TRPM3: variants seen among roughly 807,000 people sequenced by gnomAD.
The protein encoded by TRPM3 is long transient receptor potential channel 3.
In TRPM3, 77 loss-of-function variants were observed where a neutral mutation model predicts 181.2. That is an observed-to-expected ratio of 0.42 (90% CI 0.35 to 0.51). The LOEUF is 0.51. Among genes scored for constraint, TRPM3 ranks in the 20% least tolerant of loss-of-function variants. The pLI is 0.01. For missense variants in TRPM3, 1,759 were observed against 2,196.7 expected (o/e 0.80, Z 3.98); for synonymous variants, 745 against 796.4 (o/e 0.94, Z 1.09).
intron 1 of TRPM3, among the ~76,000 whole-genome samples, chr9:70,922,052 T>C (rs2096663073): frequency 6.6e-6 from 1 of 152,088 alleles, no homozygotes. Flanking sequence ...AATGTAGAAC[T>C]TTGAGAGTAA....
At chr9:71,048,477 T>C (rs2059710013) in intron 1 of TRPM3, among the ~76,000 whole-genome samples, 1 of 152,206 alleles carries the variant, frequency 6.6e-6, no homozygotes, top group African/African-American at 2.4e-5. Context: ...AATAGTCCAA[T>C]CCGTCTTCCC....
chr9:71,402,486 T>C lies in TRPM3; in HGVS notation c.183+44167A>G, dbSNP rs2093359895. Among the ~76,000 whole-genome samples, 3 of 152,204 alleles carry C rather than the reference T, an allele frequency of 2.0e-5. 1 individual carries two copies. In the South Asian group the frequency reaches 6.2e-4, roughly 31 times the overall value. On this transcript the variant is annotated intron_variant, in intron 1 of 24. Coordinates refer to the TRPM3 transcript ENST00000357533. The stretch of plus-strand genomic sequence containing the variant: ...TTGTCATGCATATATCAAAGGTCTG[T>C]AGCATTTCTCCTGTGTATTTTGATA...
At chr9:71,182,910 C>T (rs1464522450) in intron 1 of TRPM3, among the ~76,000 whole-genome samples, 1 of 152,098 alleles carries the variant, frequency 6.6e-6, no homozygotes, top group African/African-American at 2.4e-5. Context: ...TATCCACCTG[C>T]CTCGGCCTCC....
intron 9 of TRPM3, among the ~76,000 whole-genome samples, chr9:70,669,484 T>C (rs2062497172): frequency 6.6e-6 from 1 of 152,130 alleles, no homozygotes; most frequent in Non-Finnish European, 1.5e-5. Context: ...CCAGGCCCCA[T>C]TCTCTCACTT....
At chr9:70,942,916 C>T (rs2096899398) in intron 1 of TRPM3, among the ~76,000 whole-genome samples, 1 of 151,948 alleles carries the variant, frequency 6.6e-6, no homozygotes, top group Non-Finnish European at 1.5e-5. Context: ...TTTCAAAAAC[C>T]ACTGGCTTTG....
Position 70,535,331 on chromosome 9 carries a change from C to T in TRPM3, c.*622G>A. On this transcript the variant is annotated 3_prime_UTR_variant, in exon 26 of 26. Coordinates refer to ENST00000677713, the MANE Select transcript of TRPM3 (RefSeq NM_001366145.2). ...AGTGAATAGATAAGAGACAGGTGAA[C>T]TATGACTGTTACCTTGTTTTTTCTT... 1 of 1,355,672 alleles carries T rather than the reference C, an allele frequency of 7.4e-7. No homozygotes were observed. The allele number at this position is 1,355,672 out of a possible 1,614,324, so 84.0% of individuals were successfully genotyped here. A position where few individuals can be genotyped will look rare whatever the true frequency, so the allele number is the denominator to read the frequency against.
intron 1 of TRPM3, among the ~76,000 whole-genome samples, chr9:71,086,542 T>C (rs1223106496): frequency 6.6e-6 from 1 of 151,818 alleles, no homozygotes; most frequent in African/African-American, 2.4e-5. Context: ...CCAAAAGAGG[T>C]CAAAGTATCA....
chr9:70,810,205 C>G, intron 6 of TRPM3: 1 of 413,748 alleles, frequency 2.4e-6, no homozygotes, highest in South Asian at 1.8e-5. Context: ...CCCTCCTCTC[C>G]ATCACCCTGT....
intron 9 of TRPM3, among the ~76,000 whole-genome samples, chr9:70,676,269 C>T (rs1590170306): frequency 6.6e-6 from 1 of 151,904 alleles, no homozygotes; most frequent in Non-Finnish European, 1.5e-5. Flanking sequence ...TATTACTCTT[C>T]AGTGCACATG....
In TRPM3 at chr9:71,368,009, T is replaced by TGTATGTGTACACACACACATATGA. The variant is rs1442593805; in HGVS notation, c.183+78620_183+78643dup. ...ATATATGTGCACACACACATGTGAG[T>TGTATGTGTACACACACACATATGA]GTATGTGTACACACACACATATGAG... On this transcript the variant is annotated intron_variant, in intron 1 of 24. Transcript: ENST00000357533. 5.9e-5 allele frequency among the ~76,000 whole-genome samples: 9 copies of TGTATGTGTACACACACACATATGA among 151,608 alleles called. No homozygotes were observed. The South Asian group carries it at 1.5e-3, about 25-fold the overall frequency.
intron 1 of TRPM3, among the ~76,000 whole-genome samples, chr9:71,189,957 C>CT (rs2077911448): frequency 6.6e-6 from 1 of 151,900 alleles, no homozygotes; most frequent in African/African-American, 2.4e-5. Context: ...AATTTATCTG[C>CT]AGCCTATAGC....
intron 1 of TRPM3, among the ~76,000 whole-genome samples, chr9:70,908,210 G>A (rs1168957969): frequency 1.3e-5 from 2 of 152,206 alleles, no homozygotes; most frequent in African/African-American, 2.4e-5. Flanking sequence ...CCAGGAACCT[G>A]TGTATTTCCC....
At chr9:70,807,893 G>A (rs1289675007) in intron 6 of TRPM3, among the ~76,000 whole-genome samples, 3 of 152,110 alleles carry the variant, frequency 2.0e-5, no homozygotes, top group Non-Finnish European at 4.4e-5. Flanking sequence ...GAGAGGAGAA[G>A]ATTTTTAATC....
intron 1 of TRPM3, among the ~76,000 whole-genome samples, chr9:71,373,509 C>T (rs2092584843): frequency 6.6e-6 from 1 of 152,050 alleles, no homozygotes; most frequent in African/African-American, 2.4e-5. Context: ...CCTCTATGCA[C>T]ATAAACTAGA....
At chr9:70,813,504 C>G (rs1051342775) in intron 6 of TRPM3, among the ~76,000 whole-genome samples, 3 of 152,070 alleles carry the variant, frequency 2.0e-5, no homozygotes, top group African/African-American at 7.2e-5. Context: ...ATAATAGACA[C>G]TAGGGACTCC....
In TRPM3 at chr9:70,684,603, A is replaced by G. The variant is rs576697602; in HGVS notation, c.1273-3025T>C. Among the ~76,000 whole-genome samples the G allele has an allele frequency of 4.6e-5, 7 of 152,212 alleles. No homozygotes were observed. In the South Asian group the frequency reaches 1.5e-3, roughly 32 times the overall value. ...TTTCATATCTGCTTCAGAAAAAAAA[A>G]GTCAAAGAAAAACTAAGGCCTTCCT... is the stretch of plus-strand genomic sequence containing the variant. On this transcript the variant is annotated intron_variant, in intron 8 of 25. Coordinates refer to ENST00000677713, the MANE Select transcript of TRPM3 (RefSeq NM_001366145.2).
At chr9:71,402,921 AC>A (rs2093368573) in intron 1 of TRPM3, among the ~76,000 whole-genome samples, 1 of 152,180 alleles carries the variant, frequency 6.6e-6, no homozygotes, top group Non-Finnish European at 1.5e-5. Context: ...CACTCAAAAA[AC>A]ATTAATGAAC....
At chr9:71,365,093 G>A (rs761921318) in intron 1 of TRPM3, among the ~76,000 whole-genome samples, 1 of 152,136 alleles carries the variant, frequency 6.6e-6, no homozygotes, top group Non-Finnish European at 1.5e-5. Context: ...TAACTGACAA[G>A]GACTTAAGCG....
intron 1 of TRPM3, among the ~76,000 whole-genome samples, chr9:70,893,231 G>A (rs1275830732): frequency 6.6e-6 from 1 of 152,138 alleles, no homozygotes; most frequent in African/African-American, 2.4e-5. Context: ...ATGCTAGGGA[G>A]GTTTGCTGGG....
Sources: gnomAD v4.1 joint callset for allele counts (sites outside exome capture counted in the v4.1 genomes callset) on GRCh38, gnomAD v4.1.1 for gene constraint, MANE v1.5 for transcripts, NCBI Gene and HGNC (gene_info 2026-07-23, HGNC 2026-07-21) for gene names.